The following RELCH variants were observed in gnomAD, a reference collection of about 807,000 sequenced individuals.
RELCH encodes RAB11 binding and LisH domain, coiled-coil and HEAT repeat containing, also known as RAB11-binding protein RELCH.
A neutral mutation model predicts 150.3 loss-of-function variants in RELCH; 41 were observed. The observed-to-expected ratio is 0.27, with a 90% CI of 0.21 to 0.35. The LOEUF is 0.35. RELCH is among the 10% of genes least tolerant of loss of function. RELCH has a pLI of 1.00. For missense variants in RELCH, 1,092 were observed against 1,467.8 expected (o/e 0.74, Z 4.18); for synonymous variants, 478 against 531.8 (o/e 0.90, Z 1.39).
intron 1 of RELCH, among the ~76,000 whole-genome samples, chr18:62,205,856 C>G (rs547895955): frequency 2.0e-5 from 3 of 150,630 alleles, no homozygotes; most frequent in Non-Finnish European, 4.4e-5. Flanking sequence ...AAGACCCTGT[C>G]TCCATAATTT....
intron 23 of RELCH, chr18:62,280,422 C>T (rs148343794): frequency 8.1e-6 from 13 of 1,613,820 alleles, no homozygotes; most frequent in Non-Finnish European, 1.1e-5. Context: ...CCCTTGTTAC[C>T]TTGTCCAGTG....
chr18:62,196,661 C>T (rs2039072560), intron 1 of RELCH, among the ~76,000 whole-genome samples: 1 of 152,156 alleles, frequency 6.6e-6, no homozygotes, highest in Admixed American at 6.6e-5. Flanking sequence ...CTATGTCTTT[C>T]CAATTGTTTC....
chr18:62,234,055 G>C (rs2148446489), intron 10 of RELCH, among the ~76,000 whole-genome samples: 1 of 151,642 alleles, frequency 6.6e-6, no homozygotes, highest in East Asian at 1.9e-4. Context: ...TTAATTATTT[G>C]TATGTTTTAT....
At chr18:62,222,071 A>G (rs1231939827) in intron 5 of RELCH, among the ~76,000 whole-genome samples, 9 of 151,950 alleles carry the variant, frequency 5.9e-5, no homozygotes, top group Non-Finnish European at 1.2e-4. Flanking sequence ...CTTAGTGCTA[A>G]TGGATTGGTT....
chr18:62,267,016 G>A (rs188924553), intron 19 of RELCH, among the ~76,000 whole-genome samples: 6 of 151,688 alleles, frequency 4.0e-5, no homozygotes, highest in African/African-American at 1.2e-4. Context: ...TTACAACCTG[G>A]GTACTCAACC....
At chr18:62,199,069 T>C (rs889078483) in intron 1 of RELCH, among the ~76,000 whole-genome samples, 1 of 150,946 alleles carries the variant, frequency 6.6e-6, no homozygotes, top group African/African-American at 2.4e-5. Context: ...TTATATTATA[T>C]TAATATTCTA....
chr18:62,198,918 T>C (rs1349227510), intron 1 of RELCH, among the ~76,000 whole-genome samples: 1 of 152,062 alleles, frequency 6.6e-6, no homozygotes, highest in African/African-American at 2.4e-5. Flanking sequence ...ATTGTGGCTA[T>C]GTATAATAAA....
intron 1 of RELCH, among the ~76,000 whole-genome samples, chr18:62,197,108 A>AT (rs1277941708): frequency 6.6e-6 from 1 of 152,066 alleles, no homozygotes; most frequent in Admixed American, 6.6e-5. Flanking sequence ...TAGCTCTTGT[A>AT]TTTTTTCATG....
intron 10 of RELCH, chr18:62,235,053 A>G (rs1226351025): frequency 1.3e-5 from 2 of 151,948 alleles, no homozygotes; most frequent in Admixed American, 1.3e-4. Context: ...TATGTATATG[A>G]ATATATATAA....
chr18:62,296,923 A>G (rs1425978268), intron 27 of RELCH, among the ~76,000 whole-genome samples: 1 of 152,204 alleles, frequency 6.6e-6, no homozygotes, highest in Non-Finnish European at 1.5e-5. Context: ...GTTTGCTAGT[A>G]TTTTGTTGAG....
chr18:62,207,154 C>T (rs2039853821), intron 1 of RELCH, among the ~76,000 whole-genome samples: 1 of 152,156 alleles, frequency 6.6e-6, no homozygotes, highest in African/African-American at 2.4e-5. Context: ...TTTTCCCCCT[C>T]AACCCCCAAT....
chr18:62,202,516 GC>G (rs1241014000), intron 1 of RELCH, among the ~76,000 whole-genome samples: 1 of 152,026 alleles, frequency 6.6e-6, no homozygotes, highest in Non-Finnish European at 1.5e-5. Flanking sequence ...AGATATCAGA[GC>G]TTTTTTTTCC....
rs751671214 is a variant in RELCH at position 62,308,006 on chromosome 18, G to C, written c.*2472G>C. On this transcript the variant is annotated 3_prime_UTR_variant, in exon 29 of 29. Coordinates refer to ENST00000644646, the MANE Select transcript of RELCH (RefSeq NM_001346231.2). The stretch of plus-strand genomic sequence containing the variant: ...ATTTTCAACCTGAACGAAATTGTGA[G>C]TAATTTAAGTCATGCCATCCTCATT... 4.6e-5 allele frequency: 7 copies of C among 152,124 alleles called. No homozygotes were observed. Among genetic ancestry groups the C allele is most frequent in the Non-Finnish European group, 8.8e-5 (6 of 68,028 alleles). The allele number at this position is 152,124 out of a possible 1,614,324, so 9.4% of individuals were successfully genotyped here. A position where few individuals can be genotyped will look rare whatever the true frequency, so the allele number is the denominator to read the frequency against.
At chr18:62,304,930 G>A (rs1186447885) in intron 28 of RELCH, among the ~76,000 whole-genome samples, 1 of 152,140 alleles carries the variant, frequency 6.6e-6, no homozygotes, top group African/African-American at 2.4e-5. Flanking sequence ...AAACTTCATT[G>A]CAATTTAATT....
chr18:62,227,712 T>TA (rs2041306511), intron 7 of RELCH, 23 bp downstream of exon 7: 1 of 1,241,896 alleles, frequency 8.1e-7, no homozygotes. Flanking sequence ...TCATTATTCC[T>TA]AAAAATCCTC....
chr18:62,209,289 A>G (rs1170406285), intron 1 of RELCH, among the ~76,000 whole-genome samples: 3 of 152,152 alleles, frequency 2.0e-5, no homozygotes, highest in Non-Finnish European at 4.4e-5. Flanking sequence ...TTTCACTTAC[A>G]TTGGGTCTAT....
chr18:62,298,729 A>T, intron 27 of RELCH, 61 bp from the exon 28 acceptor site: 1 of 799,572 alleles, frequency 1.3e-6, no homozygotes, highest in Non-Finnish European at 2.1e-6. Flanking sequence ...AAAACATTAG[A>T]TTAAACCATA....
intron 18 of RELCH, 144 bp downstream of exon 18, chr18:62,264,996 A>T (rs2043473280): frequency 3.2e-6 from 2 of 629,410 alleles, no homozygotes; most frequent in Non-Finnish European, 2.5e-6. Context: ...TGATAGTAAA[A>T]AAAAGTTCTA....
intron 10 of RELCH, among the ~76,000 whole-genome samples, chr18:62,236,251 A>C (rs371208358): frequency 6.6e-6 from 1 of 151,978 alleles, no homozygotes; most frequent in East Asian, 1.9e-4. Context: ...ATATGCCTGC[A>C]TTATTTATAC....
Sources: gnomAD v4.1 joint callset for allele counts (sites outside exome capture counted in the v4.1 genomes callset) on GRCh38, gnomAD v4.1.1 for gene constraint, MANE v1.5 for transcripts, NCBI Gene and HGNC (gene_info 2026-07-23, HGNC 2026-07-21) for gene names.